PIK3CB: variants seen among roughly 807,000 people sequenced by gnomAD.
PIK3CB encodes phosphatidylinositol 4,5-bisphosphate 3-kinase catalytic subunit beta isoform.
PIK3CB carries 39 observed loss-of-function variants against 136.8 expected under a neutral mutation model. That is an observed-to-expected ratio of 0.29 (90% CI 0.22 to 0.37). PIK3CB has a LOEUF of 0.37. Ranked by LOEUF, PIK3CB falls within the 10% of genes least tolerant of loss-of-function variation. PIK3CB has a pLI of 1.00. For missense variants in PIK3CB, 868 were observed against 1,275.4 expected (o/e 0.68, Z 4.87); for synonymous variants, 428 against 436.6 (o/e 0.98, Z 0.25).
At chr3:138,815,139 CAAAAAAAAAAA>C (rs71637082) in intron 1 of PIK3CB, among the ~76,000 whole-genome samples, 1 of 38,154 alleles carries the variant, frequency 2.6e-5, no homozygotes, top group Admixed American at 5.3e-4. Context: ...GACTCCGTCT[CAAAAAAAAAAA>C]AAAAAAAAAA....
At position 138,688,987 on chromosome 3, in the gene PIK3CB, A is replaced by G. The variant is rs372587368; in HGVS notation, c.2037-13T>C. The G allele has an allele frequency of 2.0e-6, 3 of 1,521,202 alleles. No homozygotes were observed. The African/African-American group carries it at 4.1e-5, about 21-fold the overall frequency. The allele number at this position is 1,521,202 out of a possible 1,614,324, so 94.2% of individuals were successfully genotyped here. On this transcript the variant is annotated splice_polypyrimidine_tract_variant and intron_variant, in intron 15 of 23. Transcript: ENST00000674063. ...GTGCACTTCTGACCTGCAGAAAGTTAATGATATCTGAACAGTTTGTTTATC... is the reference window on the plus strand; with the variant it reads ...GTGCACTTCTGACCTGCAGAAAGTTGATGATATCTGAACAGTTTGTTTATC...
rs374052713 is a variant in PIK3CB, at chr3:138,804,840, T to C, written c.-121-8273A>G. 5.3e-4 allele frequency among the ~76,000 whole-genome samples: 81 copies of C among 151,524 alleles called. No individual in the cohort carries two copies. In the East Asian group the frequency reaches 7.7e-3, roughly 14 times the overall value. The stretch of plus-strand genomic sequence containing the variant: ...GAGATCAAGACCATCCTGGCTAACA[T>C]GGTGAAACCCCGTCTCTACTAAAAA... On this transcript the variant is annotated intron_variant, in intron 1 of 23. Transcript: ENST00000674063.
At chr3:138,744,198 C>A (rs1182536247) in intron 4 of PIK3CB, among the ~76,000 whole-genome samples, 1 of 151,302 alleles carries the variant, frequency 6.6e-6, no homozygotes, top group Non-Finnish European at 1.5e-5. Context: ...TCGAGACCAG[C>A]CTTACCAACA....
chr3:138,783,013 A>G (rs1419400243), intron 2 of PIK3CB, among the ~76,000 whole-genome samples: 2 of 152,192 alleles, frequency 1.3e-5, no homozygotes, highest in Non-Finnish European at 2.9e-5. Context: ...TCATCCAAAC[A>G]GAAAACAGAA....
intron 19 of PIK3CB, among the ~76,000 whole-genome samples, chr3:138,674,523 C>A (rs1046586765): frequency 3.3e-5 from 5 of 152,054 alleles, no homozygotes; most frequent in African/African-American, 1.2e-4. Context: ...CAAACAGCCA[C>A]AACGACAAAT....
intron 3 of PIK3CB, among the ~76,000 whole-genome samples, chr3:138,758,096 G>T: frequency 6.6e-6 from 1 of 152,294 alleles, no homozygotes; most frequent in East Asian, 1.9e-4. Context: ...AATGAAACTA[G>T]GATATATGCT....
At chr3:138,744,256 G>A (rs747137027) in intron 4 of PIK3CB, among the ~76,000 whole-genome samples, 3 of 151,320 alleles carry the variant, frequency 2.0e-5, no homozygotes, top group South Asian at 4.2e-4. Context: ...TTAGCCAGGC[G>A]TGGTGGTGGG....
At chr3:138,826,312 G>A in intron 1 of PIK3CB, 2 of 1,597,518 alleles carry the variant, frequency 1.3e-6, no homozygotes, top group Non-Finnish European at 1.7e-6. Context: ...TGCCCAGAAA[G>A]CTCAGAAGGC....
chr3:138,828,711 T>C (rs1187374816), intron 1 of PIK3CB, among the ~76,000 whole-genome samples: 3 of 152,028 alleles, frequency 2.0e-5, no homozygotes, highest in Non-Finnish European at 4.4e-5. Context: ...TGCCCTATAA[T>C]ACTACCTGTG....
At chr3:138,717,896 T>C (rs768161867) in intron 8 of PIK3CB, among the ~76,000 whole-genome samples, 3 of 152,196 alleles carry the variant, frequency 2.0e-5, no homozygotes, top group African/African-American at 7.2e-5. Context: ...CAGTACTCCA[T>C]GGTGATCATG....
At chr3:138,826,013 G>A (rs1332798142) in intron 1 of PIK3CB, 4 of 1,446,400 alleles carry the variant, frequency 2.8e-6, no homozygotes, top group Non-Finnish European at 9.6e-7. Context: ...TGCTGGCTAT[G>A]CCACTGTACT....
chr3:138,705,195 A>AAAAAAAAAAAAAAAAAAAAAAAT, intron 11 of PIK3CB, among the ~76,000 whole-genome samples: 1 of 141,170 alleles, frequency 7.1e-6, no homozygotes. Flanking sequence ...ACAAACAAAA[A>AAAAAAAAAAAAAAAAAAAAAAAT]AAAAAACTTA....
chr3:138,769,321 T>C (rs530758616), intron 2 of PIK3CB, among the ~76,000 whole-genome samples: 5 of 152,354 alleles, frequency 3.3e-5, no homozygotes, highest in African/African-American at 1.2e-4. Context: ...CATAACAGTA[T>C]ACATTTCTAT....
Position 138,681,041 on chromosome 3 carries a change from G to GTTTTT in PIK3CB, c.2504+921_2504+925dup, listed in dbSNP as rs533702208. Among the ~76,000 whole-genome samples the GTTTTT allele has an allele frequency of 1.3e-4, 16 of 127,344 alleles. 1 individual carries two copies. The highest frequency in any genetic ancestry group is 5.2e-4 in the East Asian group (2 of 3,842). 83.5% of individuals were successfully genotyped at this position (127,344 alleles called of 152,430 possible). ...ATTGGAACTGACAATTTTCATGTTA[G>GTTTTT]TTTTTTTTTTGTTTTTTTTTTTTGA... is the stretch of plus-strand genomic sequence containing the variant. On this transcript the variant is annotated intron_variant, in intron 19 of 23. Transcript: ENST00000674063.
chr3:138,658,729 T>C (rs750920438), intron 21 of PIK3CB, among the ~76,000 whole-genome samples: 4 of 152,224 alleles, frequency 2.6e-5, no homozygotes, highest in African/African-American at 4.8e-5. Flanking sequence ...ATTCAGTGTT[T>C]TTATTTTTCA....
intron 4 of PIK3CB, among the ~76,000 whole-genome samples, chr3:138,744,202 A>G (rs1254902704): frequency 2.6e-5 from 4 of 151,420 alleles, no homozygotes; most frequent in Non-Finnish European, 5.9e-5. Context: ...GACCAGCCTT[A>G]CCAACATGGA....
intron 19 of PIK3CB, among the ~76,000 whole-genome samples, chr3:138,665,884 G>A (rs966139528): frequency 2.0e-5 from 3 of 152,034 alleles, no homozygotes; most frequent in East Asian, 1.9e-4. Context: ...AAAGCAATAC[G>A]ACATCAATGG....
intron 19 of PIK3CB, among the ~76,000 whole-genome samples, chr3:138,675,358 G>A (rs1046883315): frequency 3.9e-5 from 6 of 151,964 alleles, no homozygotes; most frequent in Non-Finnish European, 7.4e-5. Flanking sequence ...GCATAATGGC[G>A]TTTAAGAAGG....
At chr3:138,769,512 C>G (rs1652452196) in intron 2 of PIK3CB, among the ~76,000 whole-genome samples, 1 of 152,164 alleles carries the variant, frequency 6.6e-6, no homozygotes, top group Admixed American at 6.5e-5. Flanking sequence ...GATATTCAAA[C>G]TAAAACCACA....
Sources: allele counts gnomAD v4.1 joint callset (sites outside exome capture counted in the v4.1 genomes callset), GRCh38; gene constraint gnomAD v4.1.1; transcripts MANE v1.5; gene names NCBI Gene and HGNC (gene_info 2026-07-23, HGNC 2026-07-21).